The following FOXO3 variants were observed in gnomAD, a reference collection of about 807,000 sequenced individuals.
FOXO3 encodes the protein forkhead box protein O3.
FOXO3 carries 4 observed loss-of-function variants against 41.9 expected under a neutral mutation model. That is an observed-to-expected ratio of 0.10 (90% CI 0.05 to 0.22). The LOEUF is 0.22. FOXO3 is among the 10% of genes least tolerant of loss of function. The pLI is 1.00. For missense variants in FOXO3, 534 were observed against 906.8 expected, an observed-to-expected ratio of 0.59 and a Z score of 5.28; for synonymous variants, 318 against 389.3, an observed-to-expected ratio of 0.82 and a Z score of 2.16.
At chr6:108,625,563 T>C (rs774203703) in intron 1 of FOXO3, among the ~76,000 whole-genome samples, 9 of 152,240 alleles carry the variant, frequency 5.9e-5, no homozygotes, top group Non-Finnish European at 1.2e-4. Context: ...AAAAAGATGA[T>C]GGAAGGAATT....
chr6:108,670,229 TC>T (rs1779180203), intron 2 of FOXO3, among the ~76,000 whole-genome samples: 1 of 152,090 alleles, frequency 6.6e-6, no homozygotes. Flanking sequence ...TGGACTTTCA[TC>T]CCAAGATGGA....
chr6:108,560,734 C>G (rs1028385089), upstream of FOXO3: 1 of 228,856 alleles, frequency 4.4e-6, no homozygotes, highest in Non-Finnish European at 8.4e-6. Context: ...GGCTCGGCTG[C>G]GCCAGCTCCG....
intron 2 of FOXO3, among the ~76,000 whole-genome samples, 190 bp downstream of exon 2, chr6:108,665,079 G>GC (rs1779010126): frequency 6.6e-6 from 1 of 152,170 alleles, no homozygotes; most frequent in South Asian, 2.1e-4. Context: ...GCTGTCAGGT[G>GC]CCCCCCTTCC....
chr6:108,566,943 C>A (rs1263941180), intron 1 of FOXO3, among the ~76,000 whole-genome samples: 4 of 152,210 alleles, frequency 2.6e-5, no homozygotes, highest in African/African-American at 7.2e-5. Flanking sequence ...CATCCCATTT[C>A]ATGTATTCAA....
intron 1 of FOXO3, among the ~76,000 whole-genome samples, chr6:108,633,691 G>A (rs537613781): frequency 3.3e-5 from 5 of 152,090 alleles, no homozygotes; most frequent in Non-Finnish European, 7.4e-5. Context: ...GGAAGGTCAC[G>A]TGTTTTCAGG....
At chr6:108,597,835 G>C (rs567616156) in intron 1 of FOXO3, among the ~76,000 whole-genome samples, 2 of 152,262 alleles carry the variant, frequency 1.3e-5, no homozygotes, top group South Asian at 4.1e-4. Context: ...ACTTAGGTCT[G>C]CCTGACTCTT....
intron 1 of FOXO3, among the ~76,000 whole-genome samples, chr6:108,648,752 T>C (rs1778462990): frequency 6.6e-6 from 1 of 151,960 alleles, no homozygotes; most frequent in African/African-American, 2.4e-5. Context: ...CCCAGCACTT[T>C]GGAAGGCTGA....
At chr6:108,648,118 G>A (rs1778444213) in intron 1 of FOXO3, among the ~76,000 whole-genome samples, 2 of 152,218 alleles carry the variant, frequency 1.3e-5, no homozygotes, top group African/African-American at 2.4e-5. Context: ...ATTGAGGGCA[G>A]TCCATAGACA....
chr6:108,621,011 G>A (rs1201907793), intron 1 of FOXO3, among the ~76,000 whole-genome samples: 1 of 152,160 alleles, frequency 6.6e-6, no homozygotes, highest in Non-Finnish European at 1.5e-5. Context: ...CATTTCAAAG[G>A]AGGATTTTGA....
intron 1 of FOXO3, among the ~76,000 whole-genome samples, chr6:108,587,131 A>T (rs765064714): frequency 2.0e-5 from 3 of 151,982 alleles, no homozygotes; most frequent in Admixed American, 6.6e-5. Flanking sequence ...ATTTCTGAAG[A>T]AACTGAGGCT....
intron 1 of FOXO3, among the ~76,000 whole-genome samples, chr6:108,592,266 C>A (rs1291360893): frequency 6.6e-6 from 1 of 152,060 alleles, no homozygotes. Flanking sequence ...AAAATGGGTG[C>A]AGTTTTTTGT....
In FOXO3 at chr6:108,680,368, T is replaced by A. The variant is rs1054670265; in HGVS notation, c.*576T>A. 5.2e-5 allele frequency: 8 copies of A among 152,602 alleles called. No homozygotes were observed. The highest frequency in any genetic ancestry group is 1.9e-4 in the African/African-American group (8 of 41,466). The allele number at this position is 152,602 out of a possible 1,614,324, so 9.5% of individuals were successfully genotyped here. On this transcript the variant is annotated 3_prime_UTR_variant, in exon 3 of 3. Transcript: ENST00000406360. ...GAACTCCATAAACTAACAAATTACA[T>A]AAACTAAAGGGGGATTTTCTTTCTT...
chr6:108,642,011 A>T (rs1372151097), intron 1 of FOXO3, among the ~76,000 whole-genome samples: 1 of 152,120 alleles, frequency 6.6e-6, no homozygotes, highest in Non-Finnish European at 1.5e-5. Flanking sequence ...TGAAGCACAA[A>T]GCATTAATTC....
At chr6:108,608,899 G>A (rs911821351) in intron 1 of FOXO3, among the ~76,000 whole-genome samples, 1 of 152,134 alleles carries the variant, frequency 6.6e-6, no homozygotes, top group African/African-American at 2.4e-5. Context: ...GGACAGATTT[G>A]TTTCAACCTC....
intron 1 of FOXO3, among the ~76,000 whole-genome samples, chr6:108,601,273 A>G (rs1777046661): frequency 6.6e-6 from 1 of 151,598 alleles, no homozygotes; most frequent in African/African-American, 2.4e-5. Context: ...CGGCCTCCCA[A>G]GGTGTCCTAG....
chr6:108,637,299 G>A (rs1562252970), intron 1 of FOXO3, among the ~76,000 whole-genome samples: 1 of 152,072 alleles, frequency 6.6e-6, no homozygotes, highest in Non-Finnish European at 1.5e-5. Flanking sequence ...GTTTCTCGAG[G>A]TGCTGCTGGG....
chr6:108,575,352 C>A (rs1776233330), intron 1 of FOXO3, among the ~76,000 whole-genome samples: 1 of 148,502 alleles, frequency 6.7e-6, no homozygotes, highest in Non-Finnish European at 1.5e-5. Context: ...CCCCCCTTTT[C>A]TTCCTATTTT....
intron 1 of FOXO3, among the ~76,000 whole-genome samples, chr6:108,567,835 T>C (rs1448091954): frequency 2.0e-5 from 3 of 151,962 alleles, no homozygotes; most frequent in African/African-American, 7.3e-5. Context: ...TCACCTGAGG[T>C]CAGGAGTTCG....
chr6:108,674,314 A>G (rs1770488062), intron 2 of FOXO3, among the ~76,000 whole-genome samples: 1 of 152,232 alleles, frequency 6.6e-6, no homozygotes, highest in African/African-American at 2.4e-5. Context: ...TGATTGATTC[A>G]GCCAACATTT....
Sources: allele counts gnomAD v4.1 joint callset (sites outside exome capture counted in the v4.1 genomes callset), GRCh38; gene constraint gnomAD v4.1.1; transcripts MANE v1.5; gene names NCBI Gene and HGNC (gene_info 2026-07-23, HGNC 2026-07-21).